The following SMAD3 variants were observed in gnomAD, a reference collection of about 807,000 sequenced individuals.
SMAD3 encodes the protein SMAD family member 3.
In SMAD3, 12 loss-of-function variants were observed where a neutral mutation model predicts 51.8. The observed-to-expected ratio is 0.23, with a 90% CI of 0.15 to 0.38. SMAD3 has a LOEUF of 0.38. SMAD3 is among the 10% of genes least tolerant of loss of function. The pLI is 1.00. For missense variants in SMAD3, 294 were observed against 565.6 expected (o/e 0.52, Z 4.87); for synonymous variants, 238 against 227.7 (o/e 1.05, Z -0.41).
chr15:67,170,715 T>G, intron 5 of SMAD3, 111 bp downstream of exon 5: 1 of 831,916 alleles, frequency 1.2e-6, no homozygotes, highest in Non-Finnish European at 2.0e-6. Flanking sequence ...ACCCCTACCA[T>G]CAGCCCAGCT....
intron 1 of SMAD3, chr15:67,098,644 C>G (rs1034071679): frequency 3.7e-6 from 2 of 537,722 alleles, no homozygotes; most frequent in Admixed American, 3.1e-5. Context: ...AGGGTGGGGC[C>G]GCGTTTTTCT....
chr15:67,159,984 G>C (rs1962383381), intron 1 of SMAD3, among the ~76,000 whole-genome samples: 1 of 152,178 alleles, frequency 6.6e-6, no homozygotes, highest in Non-Finnish European at 1.5e-5. Flanking sequence ...TTTGGACATA[G>C]GCTTTTATTT....
chr15:67,111,128 C>T (rs773946330), intron 1 of SMAD3, among the ~76,000 whole-genome samples: 2 of 152,174 alleles, frequency 1.3e-5, no homozygotes, highest in Non-Finnish European at 2.9e-5. Flanking sequence ...AAAAAGAAAC[C>T]TCATACCCAT....
At chr15:67,086,351 A>T (rs1415602590) in intron 1 of SMAD3, among the ~76,000 whole-genome samples, 1 of 152,168 alleles carries the variant, frequency 6.6e-6, no homozygotes, top group East Asian at 1.9e-4. Context: ...AGTAGCATCT[A>T]AACAGCCCTT....
chr15:67,125,979 G>A (rs1315392071), intron 1 of SMAD3: 2 of 985,440 alleles, frequency 2.0e-6, no homozygotes, highest in African/African-American at 1.7e-5. Context: ...GAGCAACCAC[G>A]TTTGAGTAAG....
At chr15:67,110,143 T>G (rs1207865725) in intron 1 of SMAD3, among the ~76,000 whole-genome samples, 1 of 152,204 alleles carries the variant, frequency 6.6e-6, no homozygotes, top group East Asian at 1.9e-4. Context: ...TAATTCATTC[T>G]GTGCTTGAGT....
chr15:67,183,586 C>T (rs143190020), intron 6 of SMAD3, among the ~76,000 whole-genome samples: 161 of 152,162 alleles, frequency 1.1e-3, no homozygotes, highest in African/African-American at 3.4e-3. Flanking sequence ...ATGCATGGGT[C>T]GGTCACCTCG....
rs894652144 is a variant in SMAD3, at chr15:67,191,403, C to T, written c.*867C>T. The stretch of plus-strand genomic sequence containing the variant: ...GGATGGCATTTGGTCTCAGGCAGCA[C>T]CACACTGGGTGCGTCTCCAGTCATC... On this transcript the variant is annotated 3_prime_UTR_variant, in exon 9 of 9. Transcript: ENST00000327367. 8.6e-6 allele frequency: 2 copies of T among 233,318 alleles called. No homozygotes were observed. The highest frequency in any genetic ancestry group is 4.4e-5 in the African/African-American group (2 of 45,352). The allele number at this position is 233,318 out of a possible 1,614,324, so 14.5% of individuals were successfully genotyped here. A position where few individuals can be genotyped will look rare whatever the true frequency, so the allele number is the denominator to read the frequency against.
At chr15:67,093,562 T>A (rs1960552958) in intron 1 of SMAD3, among the ~76,000 whole-genome samples, 1 of 151,798 alleles carries the variant, frequency 6.6e-6, no homozygotes, top group African/African-American at 2.4e-5. Flanking sequence ...AAGCGGGGAG[T>A]CTAGCAAGAA....
At chr15:67,176,737 G>GTGCCCTATGGC (rs1962906820) in intron 5 of SMAD3, among the ~76,000 whole-genome samples, 2 of 152,228 alleles carry the variant, frequency 1.3e-5, no homozygotes, top group African/African-American at 4.8e-5. Flanking sequence ...CATGGATTAA[G>GTGCCCTATGGC]TGCCCTATGG....
chr15:67,070,229 G>A (rs1960023400), intron 1 of SMAD3, among the ~76,000 whole-genome samples: 1 of 152,292 alleles, frequency 6.6e-6, no homozygotes. Context: ...CAGCTGCTAG[G>A]GAGGTGGTCC....
chr15:67,109,148 T>G (rs1960946386), intron 1 of SMAD3, among the ~76,000 whole-genome samples: 1 of 152,214 alleles, frequency 6.6e-6, no homozygotes, highest in African/African-American at 2.4e-5. Flanking sequence ...GAATATGCAT[T>G]TGGGTATTTT....
intron 1 of SMAD3, among the ~76,000 whole-genome samples, chr15:67,096,864 C>G (rs747592551): frequency 2.6e-5 from 4 of 152,156 alleles, no homozygotes; most frequent in Non-Finnish European, 5.9e-5. Flanking sequence ...TCTGAAGATT[C>G]CAAGCTTCCA....
intron 1 of SMAD3, among the ~76,000 whole-genome samples, chr15:67,156,331 A>T (rs1962282543): frequency 6.6e-6 from 1 of 152,210 alleles, no homozygotes; most frequent in East Asian, 1.9e-4. Context: ...TGAATATTAG[A>T]GGAGTATTTG....
chr15:67,122,195 A>G (rs964562749), intron 1 of SMAD3, among the ~76,000 whole-genome samples: 3 of 152,264 alleles, frequency 2.0e-5, no homozygotes, highest in African/African-American at 7.2e-5. Context: ...AAGAATGAAC[A>G]GATGAAACCT....
intron 1 of SMAD3, among the ~76,000 whole-genome samples, chr15:67,115,172 A>C (rs1961107183): frequency 6.6e-6 from 1 of 152,206 alleles, no homozygotes; most frequent in African/African-American, 2.4e-5. Context: ...ACAATCTTTG[A>C]ATTCCTGGAA....
chr15:67,088,601 C>T (rs937545564), intron 1 of SMAD3, among the ~76,000 whole-genome samples: 3 of 152,128 alleles, frequency 2.0e-5, no homozygotes, highest in Non-Finnish European at 2.9e-5. Flanking sequence ...TCAGAATGCT[C>T]CCGAGTGGGA....
chr15:67,166,072 C>A, intron 3 of SMAD3: 1 of 551,886 alleles, frequency 1.8e-6, no homozygotes, highest in Non-Finnish European at 2.3e-6. Flanking sequence ...TGACGTTCAT[C>A]CTGGGTTAGT....
chr15:67,163,564 C>G (rs1275061864), intron 1 of SMAD3, among the ~76,000 whole-genome samples: 1 of 152,168 alleles, frequency 6.6e-6, no homozygotes, highest in Non-Finnish European at 1.5e-5. Flanking sequence ...CACCCAGACT[C>G]TCATCATCCA....
Sources: gnomAD v4.1 joint callset for allele counts (sites outside exome capture counted in the v4.1 genomes callset) on GRCh38, gnomAD v4.1.1 for gene constraint, MANE v1.5 for transcripts, NCBI Gene and HGNC (gene_info 2026-07-23, HGNC 2026-07-21) for gene names.